Variants in VPS8 observed in about 807,000 individuals in gnomAD.
VPS8 encodes the protein VPS8 subunit of CORVET complex, also known as vacuolar protein sorting-associated protein 8 homolog.
VPS8 carries 129 observed loss-of-function variants against 216.4 expected under a neutral mutation model. That is an observed-to-expected ratio of 0.60 (90% CI 0.52 to 0.69). The LOEUF (loss-of-function observed/expected upper bound fraction) is 0.69. VPS8 is among the 30% of genes least tolerant of loss of function. VPS8 has a pLI of 0.00. For synonymous variants in VPS8, 571 were observed against 565.4 expected (o/e 1.01, Z -0.14); for missense variants, 1,531 against 1,683.5 (o/e 0.91, Z 1.59).
chr3:184,832,884 T>C, intron 4 of VPS8, 65 bp downstream of exon 4: 1 of 1,538,478 alleles, frequency 6.5e-7, no homozygotes, highest in Non-Finnish European at 8.8e-7. Flanking sequence ...AATGTAAATA[T>C]TGTACTTTTT....
chr3:185,024,642 G>A (rs549567512), intron 46 of VPS8, among the ~76,000 whole-genome samples: 39 of 152,322 alleles, frequency 2.6e-4, no homozygotes, highest in African/African-American at 8.7e-4. Context: ...GCATGGTATC[G>A]TGGTATCAAT....
In VPS8 at chr3:184,870,810, A is replaced by G. The variant is rs1230786130; in HGVS notation, c.1734+5A>G. 3 of 1,608,726 alleles carry G rather than the reference A, an allele frequency of 1.9e-6. No homozygotes were observed. The East Asian group carries it at 6.7e-5, about 36-fold the overall frequency. On this transcript the variant is annotated splice_donor_5th_base_variant and intron_variant, in intron 21 of 47. Transcript: ENST00000625842. ...GTGATGGAGCAGCATTTTCAGGTACACATTGCATGTGCTTCCAGTAGACGA... is the reference window on the plus strand; with the variant it reads ...GTGATGGAGCAGCATTTTCAGGTACGCATTGCATGTGCTTCCAGTAGACGA...
intron 1 of VPS8, among the ~76,000 whole-genome samples, chr3:184,821,770 T>TA (rs572527784): frequency 6.6e-4 from 101 of 152,272 alleles, no homozygotes; most frequent in African/African-American, 1.9e-3. Context: ...TAGGTGTGTG[T>TA]TAAGTGAATG....
rs755947057 is a variant in VPS8, at chr3:184,832,808, C to T, written c.342C>T (p.Thr114=). Reference sequence around the variant, plus strand: ...CAAGCTCAGATAGTGGTGACAGGACCAACTTAAAAAGGTAGGTATTCATGT... The same window carrying T: ...CAAGCTCAGATAGTGGTGACAGGACTAACTTAAAAAGGTAGGTATTCATGT... ...SVASSDSGDR[T]NLKRKKKLPD... Residue 114 remains threonine (T), a synonymous_variant, in exon 4 of 48, where the codon ACC becomes ACT. Coordinates refer to ENST00000625842, the MANE Select transcript of VPS8 (RefSeq NM_001009921.3). 1 of 1,607,660 alleles carries T rather than the reference C, an allele frequency of 6.2e-7. No homozygotes were observed. Among genetic ancestry groups the T allele is most frequent in the Non-Finnish European group, 8.5e-7 (1 of 1,177,004 alleles).
At chr3:184,899,114 C>T (rs1470760624) in intron 24 of VPS8, among the ~76,000 whole-genome samples, 1 of 152,094 alleles carries the variant, frequency 6.6e-6, no homozygotes, top group Non-Finnish European at 1.5e-5. Flanking sequence ...TCATTTTTCA[C>T]TTTTACTGAC....
At chr3:185,044,513 G>A (rs999980691) in intron 46 of VPS8, among the ~76,000 whole-genome samples, 3 of 152,128 alleles carry the variant, frequency 2.0e-5, no homozygotes, top group African/African-American at 4.8e-5. Flanking sequence ...GAGGGTTGTC[G>A]CATCTGAGAA....
At chr3:185,046,682 C>T (rs987077276) in intron 46 of VPS8, among the ~76,000 whole-genome samples, 1 of 152,144 alleles carries the variant, frequency 6.6e-6, no homozygotes, top group African/African-American at 2.4e-5. Context: ...CAAATAGATG[C>T]CAAGCCCATA....
chr3:184,832,641 T>C lies in VPS8; in HGVS notation c.223-48T>C, dbSNP rs1247886260. 2.6e-6 allele frequency: 4 copies of C among 1,519,174 alleles called. No homozygotes were observed. In the Admixed American group the frequency reaches 6.0e-5, roughly 23 times the overall value. The allele number at this position is 1,519,174 out of a possible 1,614,324, so 94.1% of individuals were successfully genotyped here. A position where few individuals can be genotyped will look rare whatever the true frequency, so the allele number is the denominator to read the frequency against. ...ACCCATTAATGCCTGACTCATTTCA[T>C]AGAGTATTTGGATTTTGAATGTATT... On this transcript the variant is annotated intron_variant, in intron 3 of 47. Transcript: ENST00000625842.
chr3:184,878,440 G>A lies in VPS8; in HGVS notation c.1734+7635G>A, dbSNP rs114931231. 5.8e-3 allele frequency among the ~76,000 whole-genome samples: 885 copies of A among 152,256 alleles called. 7 individuals are homozygous for A. Among genetic ancestry groups the A allele is most frequent in the African/African-American group, 0.02 (819 of 41,544 alleles). Reference sequence around the variant, plus strand: ...ATCTTAATGAAGCCTTATGTTAATCGTTACTAAGCTCTCCTTCCAGCTTCA... The same window carrying A: ...ATCTTAATGAAGCCTTATGTTAATCATTACTAAGCTCTCCTTCCAGCTTCA... On this transcript the variant is annotated intron_variant, in intron 21 of 47. Coordinates refer to ENST00000625842, the MANE Select transcript of VPS8 (RefSeq NM_001009921.3).
intron 45 of VPS8, among the ~76,000 whole-genome samples, chr3:185,012,425 A>G (rs1383331529): frequency 6.7e-6 from 1 of 149,998 alleles, no homozygotes; most frequent in African/African-American, 2.4e-5. Flanking sequence ...CTGGAACATA[A>G]GGAGCAAGAG....
At chr3:184,858,337 TAAA>T (rs925854391) in intron 14 of VPS8, among the ~76,000 whole-genome samples, 70 of 152,284 alleles carry the variant, frequency 4.6e-4, no homozygotes, top group African/African-American at 1.6e-3. Flanking sequence ...AAAATGGAAT[TAAA>T]AAATAAAAAT....
chr3:185,000,059 A>C (rs151114009), intron 45 of VPS8, among the ~76,000 whole-genome samples, 198 bp downstream of exon 45: 1 of 152,304 alleles, frequency 6.6e-6, no homozygotes, highest in East Asian at 1.9e-4. Flanking sequence ...CATGAATTTG[A>C]GAGCAACAGA....
At chr3:185,020,397 T>C (rs1278858929) in intron 45 of VPS8, among the ~76,000 whole-genome samples, 7 of 152,176 alleles carry the variant, frequency 4.6e-5, no homozygotes, top group Non-Finnish European at 8.8e-5. Flanking sequence ...TTATTTGCTT[T>C]GTTTGAGCTG....
chr3:184,935,211 T>G (rs1741385528), intron 34 of VPS8, among the ~76,000 whole-genome samples: 1 of 152,190 alleles, frequency 6.6e-6, no homozygotes, highest in Non-Finnish European at 1.5e-5. Flanking sequence ...GTCAGTTTAT[T>G]AAATTATACT....
chr3:184,919,850 C>CT (rs1230978878), intron 28 of VPS8, among the ~76,000 whole-genome samples: 4 of 151,882 alleles, frequency 2.6e-5, no homozygotes, highest in South Asian at 2.1e-4. Context: ...TTATCGCTCT[C>CT]TTTTTTTTGC....
At chr3:184,884,252 G>C (rs1730792986) in intron 21 of VPS8, among the ~76,000 whole-genome samples, 1 of 152,010 alleles carries the variant, frequency 6.6e-6, no homozygotes, top group Non-Finnish European at 1.5e-5. Context: ...ACCCTGGTGT[G>C]TGGTGTTCCG....
At chr3:184,903,484 CTCTG>C (rs1734940235) in intron 25 of VPS8, among the ~76,000 whole-genome samples, 1 of 152,174 alleles carries the variant, frequency 6.6e-6, no homozygotes, top group Non-Finnish European at 1.5e-5. Context: ...CGGAGTCTCA[CTCTG>C]TCAGTCAGGC....
Position 184,924,956 on chromosome 3 carries a change from T to C in VPS8, c.2549T>C (p.Phe850Ser). 1 of 1,613,812 alleles carries C rather than the reference T, an allele frequency of 6.2e-7. No individual in the cohort carries two copies. Among genetic ancestry groups the C allele is most frequent in the Non-Finnish European group, 8.5e-7 (1 of 1,179,812 alleles). Residue 850 changes from phenylalanine (F) to serine (S), a missense_variant, in exon 30 of 48, where the codon TTT becomes TCT. By Grantham distance (155) the Phe-to-Ser change is radical (BLOSUM62 -2). This residue lies in a region of VPS8 where 1,318 missense variants were observed against 1,468.4 expected (regional missense o/e 0.90). Transcript: ENST00000625842. ...CTTGCAAAGCCTGACAACACCTTGT[T>C]TGTAAACAGAACACTTTTTGATCAG... Reference protein sequence around the residue: ...RQLAKPDNTLFVNRTLFDQVL... With the variant: ...RQLAKPDNTLSVNRTLFDQVL...
chr3:184,823,040 C>T (rs1717947009), intron 1 of VPS8, among the ~76,000 whole-genome samples: 1 of 152,086 alleles, frequency 6.6e-6, no homozygotes, highest in African/African-American at 2.4e-5. Context: ...AAGTCAGTTT[C>T]ATAAGTCCAT....
Sources: allele counts gnomAD v4.1 joint callset (sites outside exome capture counted in the v4.1 genomes callset), GRCh38; gene constraint gnomAD v4.1.1; regional missense constraint gnomAD v4.1.1; transcripts MANE v1.5; gene names NCBI Gene and HGNC (gene_info 2026-07-23, HGNC 2026-07-21).